Variants in TEF observed in about 807,000 individuals in gnomAD.
TEF encodes the protein thyrotroph embryonic factor.
A neutral mutation model predicts 20.8 loss-of-function variants in TEF; 3 were observed. The ratio of observed to expected loss-of-function variants is 0.14; its 90% CI spans 0.07 to 0.37. TEF has a LOEUF of 0.37. Ranked by LOEUF, TEF falls within the 10% of genes least tolerant of loss-of-function variation. TEF has a pLI of 1.00. For synonymous variants in TEF, 180 were observed against 171.1 expected (o/e 1.05, Z -0.41); for missense variants, 296 against 397.9 (o/e 0.74, Z 2.18).
chr22:41,375,070 C>T (rs934095790), intron 1 of TEF, among the ~76,000 whole-genome samples: 1 of 152,174 alleles, frequency 6.6e-6, no homozygotes, highest in East Asian at 1.9e-4. Flanking sequence ...CTGCAGAAAC[C>T]GTGGCTATCT....
chr22:41,381,090 A>G (rs967471054), upstream of TEF, among the ~76,000 whole-genome samples: 16 of 152,178 alleles, frequency 1.1e-4, no homozygotes, highest in Non-Finnish European at 1.9e-4. Flanking sequence ...CCTCCACGCT[A>G]GTGTTGATCT....
chr22:41,394,137 G>A lies in TEF; in HGVS notation c.517G>A (p.Asp173Asn), dbSNP rs1013457307. The A allele has an allele frequency of 4.3e-6, 7 of 1,614,052 alleles. No homozygotes were observed. The highest frequency in any genetic ancestry group is 5.1e-6 in the Non-Finnish European group (6 of 1,180,024). ...EKERETPSPI[D>N]PNCVEVDVNF... Reference sequence around the variant, plus strand: ...GGAGAGGGAGACTCCCAGTCCCATCGACCCCAATTGTGTGGAAGTGGATGT... The same window carrying A: ...GGAGAGGGAGACTCCCAGTCCCATCAACCCCAATTGTGTGGAAGTGGATGT... The change falls in exon 3 of 4, where the codon GAC (aspartate) becomes AAC (asparagine). Residue 173 changes from aspartate (D) to asparagine (N), a missense_variant. By Grantham distance (23) the Asp-to-Asn change is conservative. Around this residue, in one of 2 missense-constraint regions of TEF, gnomAD observed 194 missense variants for 317.8 expected, o/e 0.61. Transcript: ENST00000266304.
chr22:41,394,629 T>G (rs535257293), intron 3 of TEF, among the ~76,000 whole-genome samples: 2 of 152,308 alleles, frequency 1.3e-5, no homozygotes, highest in East Asian at 3.9e-4. Flanking sequence ...GGAACTGGGG[T>G]TGAAAAAGTC....
intron 3 of TEF, among the ~76,000 whole-genome samples, chr22:41,395,198 G>A (rs1295031916): frequency 6.6e-6 from 1 of 152,032 alleles, no homozygotes; most frequent in African/African-American, 2.4e-5. Flanking sequence ...TAGAGATGGG[G>A]TTTCATCATA....
At chr22:41,387,697 C>T (rs765704732) in intron 2 of TEF, 29 bp downstream of exon 2, 27 of 1,577,354 alleles carry the variant, frequency 1.7e-5, no homozygotes, top group Non-Finnish European at 1.7e-5. Context: ...AGGAGGGCCA[C>T]CTGTCCCATC....
chr22:41,387,644 C>G lies in TEF; in HGVS notation c.451C>G (p.Pro151Ala). The G allele has an allele frequency of 6.2e-7, 1 of 1,613,874 alleles. No homozygotes were observed. Among genetic ancestry groups the G allele is most frequent in the African/African-American group, 1.3e-5 (1 of 75,052 alleles). The change falls in exon 2 of 4, where the codon CCC (proline) becomes GCC (alanine). Residue 151 changes from proline (P) to alanine (A), a missense_variant. By Grantham distance (27) the Pro-to-Ala change is conservative. Around this residue, in one of 2 missense-constraint regions of TEF, gnomAD observed 194 missense variants for 317.8 expected, o/e 0.61. Transcript: ENST00000266304. ...PPSSSTAIFQ[P>A]SETVSSTESS... Reference sequence around the variant, plus strand: ...ATCCTCCTCCACTGCCATCTTTCAGCCCTCTGAAACCGTGTCCAGCACAGG... The same window carrying G: ...ATCCTCCTCCACTGCCATCTTTCAGGCCTCTGAAACCGTGTCCAGCACAGG...
chr22:41,385,830 G>A (rs879299132), intron 1 of TEF, among the ~76,000 whole-genome samples: 6 of 151,830 alleles, frequency 4.0e-5, no homozygotes, highest in Non-Finnish European at 8.8e-5. Flanking sequence ...GATTACAGGC[G>A]CCCACCACCA....
At chr22:41,380,437 G>C (rs1163632914), upstream of TEF, among the ~76,000 whole-genome samples, 4 of 152,210 alleles carry the variant, frequency 2.6e-5, no homozygotes, top group Admixed American at 2.0e-4. Flanking sequence ...TTACAGGCGT[G>C]AGTCACCAAG....
chr22:41,373,706 G>A (rs1467392139), intron 1 of TEF, among the ~76,000 whole-genome samples: 2 of 150,478 alleles, frequency 1.3e-5, no homozygotes, highest in East Asian at 3.9e-4. Context: ...CTGACCTCAT[G>A]ATCCACCTGC....
chr22:41,387,634 C>T lies in TEF; in HGVS notation c.441C>T (p.Ala147=). The T allele has an allele frequency of 6.2e-7, 1 of 1,614,116 alleles. No individual in the cohort carries two copies. Among genetic ancestry groups the T allele is most frequent in the Non-Finnish European group, 8.5e-7 (1 of 1,179,990 alleles). ...STASPPSSST[A]IFQPSETVSS... ...CATCCCCACCATCCTCCTCCACTGC[C>T]ATCTTTCAGCCCTCTGAAACCGTGT... The change falls in exon 2 of 4, where the codon GCC becomes GCT. Residue 147 remains alanine (A), a synonymous_variant. Coordinates refer to ENST00000266304, the MANE Select transcript of TEF (RefSeq NM_003216.4).
rs1439607289 is a variant in TEF at position 41,394,143 on chromosome 22, A to G, written c.523A>G (p.Asn175Asp). 1 of 1,613,830 alleles carries G rather than the reference A, an allele frequency of 6.2e-7. No homozygotes were observed. The highest frequency in any genetic ancestry group is 8.5e-7 in the Non-Finnish European group (1 of 1,179,988). ...ERETPSPIDP[N>D]CVEVDVNFNP... ...GGAGACTCCCAGTCCCATCGACCCCAATTGTGTGGAAGTGGATGTGAACTT... is the reference window on the plus strand; with the variant it reads ...GGAGACTCCCAGTCCCATCGACCCCGATTGTGTGGAAGTGGATGTGAACTT... The change falls in exon 3 of 4, where the codon AAT becomes GAT. Residue 175 changes from asparagine (N) to aspartate (D), a missense_variant. Asn to Asp is a conservative substitution (Grantham distance 23). Around this residue, in one of 2 missense-constraint regions of TEF, gnomAD observed 194 missense variants for 317.8 expected, o/e 0.61. Coordinates refer to ENST00000266304, the MANE Select transcript of TEF (RefSeq NM_003216.4).
chr22:41,381,293 T>C (rs2037016208), upstream of TEF, among the ~76,000 whole-genome samples: 1 of 151,482 alleles, frequency 6.6e-6, no homozygotes, highest in East Asian at 2.0e-4. Flanking sequence ...AAAAGACCCG[T>C]CCCTCCCTTC....
chr22:41,379,143 C>G (rs961612111), upstream of TEF, among the ~76,000 whole-genome samples: 1 of 151,934 alleles, frequency 6.6e-6, no homozygotes, highest in African/African-American at 2.4e-5. Context: ...TCGAGACCAG[C>G]CTGGCCAATG....
chr22:41,387,596 A>G lies in TEF; in HGVS notation c.403A>G (p.Ser135Gly), dbSNP rs2037113539. The G allele has an allele frequency of 6.2e-7, 1 of 1,614,176 alleles. No individual in the cohort carries two copies. Among genetic ancestry groups the G allele is most frequent in the Non-Finnish European group, 8.5e-7 (1 of 1,180,022 alleles). Residue 135 changes from serine (S) to glycine (G), a missense_variant, in exon 2 of 4, where the codon AGC becomes GGC. Physicochemically the swap from Ser to Gly is moderately conservative, Grantham distance 56. This residue lies in a region of TEF where 194 missense variants were observed against 317.8 expected (regional missense o/e 0.61). Coordinates refer to ENST00000266304, the MANE Select transcript of TEF (RefSeq NM_003216.4). ...VAELEGKESA[S>G]SSTASPPSSS... ...AGAGCTAGAAGGGAAGGAGTCTGCC[A>G]GCTCTTCCACAGCATCCCCACCATC... is the stretch of plus-strand genomic sequence containing the variant.
intron 1 of TEF, among the ~76,000 whole-genome samples, chr22:41,384,350 T>G (rs2145980078): frequency 6.6e-6 from 1 of 152,288 alleles, no homozygotes; most frequent in South Asian, 2.1e-4. Flanking sequence ...CTCTTGGATA[T>G]CCACATGTGT....
At chr22:41,389,638 T>G (rs1000049537) in intron 2 of TEF, among the ~76,000 whole-genome samples, 6 of 151,788 alleles carry the variant, frequency 4.0e-5, no homozygotes, top group South Asian at 2.1e-4. Flanking sequence ...AATAAAAGTT[T>G]TTTTTTTTTT....
chr22:41,377,024 GTCTC>G (rs1479763821), upstream of TEF, among the ~76,000 whole-genome samples: 1 of 152,120 alleles, frequency 6.6e-6, no homozygotes, highest in Non-Finnish European at 1.5e-5. Flanking sequence ...TGGAGACAGG[GTCTC>G]TCTCTGTCAC....
rs545903945 is a variant in TEF at position 41,375,837 on chromosome 22, G to A, written c.67+8238G>A. The stretch of plus-strand genomic sequence containing the variant: ...AAGCCAACAAATATTTACTGATAGG[G>A]TGGGGATTTTTTCAAAAAAGAGAAA... On this transcript the variant is annotated intron_variant, in intron 1 of 3. Coordinates refer to the TEF transcript ENST00000406644. Among the ~76,000 whole-genome samples the A allele has an allele frequency of 7.2e-5, 11 of 152,222 alleles. 1 individual carries two copies. In the South Asian group the frequency reaches 2.3e-3, roughly 32 times the overall value.
chr22:41,368,099 G>A (rs1417775423), intron 1 of TEF, among the ~76,000 whole-genome samples: 1 of 152,138 alleles, frequency 6.6e-6, no homozygotes, highest in Non-Finnish European at 1.5e-5. Context: ...AGGACCACAA[G>A]GCTCGAAGCC....
Sources: gnomAD v4.1 joint callset for allele counts (sites outside exome capture counted in the v4.1 genomes callset) on GRCh38, gnomAD v4.1.1 for gene constraint, gnomAD v4.1.1 regional missense constraint, MANE v1.5 for transcripts, NCBI Gene and HGNC (gene_info 2026-07-23, HGNC 2026-07-21) for gene names.